Variants in ROS1 observed in about 807,000 individuals in gnomAD.
The protein encoded by ROS1 is proto-oncogene tyrosine-protein kinase ROS.
In ROS1, 263 loss-of-function variants were observed where a neutral mutation model predicts 273.5. The observed-to-expected ratio is 0.96, with a 90% CI of 0.87 to 1.06. The LOEUF is 1.06. Ranked by LOEUF, ROS1 falls within the 50% of genes least tolerant of loss-of-function variation. ROS1 has a pLI of 0.00. For synonymous variants in ROS1, 1,008 were observed against 954.1 expected (o/e 1.06, Z -1.04); for missense variants, 2,833 against 2,751.1 (o/e 1.03, Z -0.67).
rs1256037335 is a variant in ROS1, at chr6:117,373,613, C to T, written c.2582+5446G>A. ...CCGCCAAGCCCGCACCCACCCAGAA[C>T]TCGTGCTGGCCTGCGACCACCACAC... is the stretch of plus-strand genomic sequence containing the variant. On this transcript the variant is annotated intron_variant, in intron 18 of 43. Coordinates refer to ENST00000368507, the MANE Select transcript of ROS1 (RefSeq NM_001378902.1). Among the ~76,000 whole-genome samples the T allele has an allele frequency of 2.0e-5, 3 of 152,222 alleles. No individual in the cohort carries two copies. In the East Asian group the frequency reaches 5.8e-4, roughly 29 times the overall value.
rs775973005 is a variant in ROS1 at position 117,389,694 on chromosome 6, T to C, written c.1442A>G (p.Asp481Gly). Residue 481 changes from aspartate (D) to glycine (G), a missense_variant, in exon 13 of 44, where the codon GAC becomes GGC. Asp to Gly is a moderately conservative substitution (Grantham distance 94). Coordinates refer to ENST00000368507, the MANE Select transcript of ROS1 (RefSeq NM_001378902.1). ...PQAKRIIYFNDTAQVFMSTFL... is the reference protein window; with the variant it reads ...PQAKRIIYFNGTAQVFMSTFL... ...TGTTGACATGAAGACTTGGGCAGTG[T>C]CATTGAAGTAAATGATTCGCTTGGC... 5.0e-6 allele frequency: 8 copies of C among 1,614,190 alleles called. No homozygotes were observed. In the Admixed American group the frequency reaches 1.3e-4, roughly 27 times the overall value.
intron 32 of ROS1, among the ~76,000 whole-genome samples, chr6:117,329,753 A>G (rs1317373378): frequency 2.7e-5 from 4 of 149,534 alleles, no homozygotes; most frequent in Admixed American, 1.3e-4. Context: ...GGGAAGGGGA[A>G]CCCCCTCCCC....
chr6:117,394,395 C>A (rs1562359112), intron 10 of ROS1, 49 bp from the exon 11 acceptor site: 1 of 1,307,636 alleles, frequency 7.6e-7, no homozygotes, highest in Admixed American at 2.8e-5. Flanking sequence ...ACAACCAGGA[C>A]AAAAAACTTG....
At chr6:117,343,252 A>G (rs1778095234) in intron 28 of ROS1, among the ~76,000 whole-genome samples, 1 of 152,220 alleles carries the variant, frequency 6.6e-6, no homozygotes, top group African/African-American at 2.4e-5. Context: ...GAAATTACTT[A>G]TTTTAGAAAT....
chr6:117,341,858 G>A (rs1338543267), intron 29 of ROS1, among the ~76,000 whole-genome samples: 1 of 152,170 alleles, frequency 6.6e-6, no homozygotes, highest in East Asian at 1.9e-4. Context: ...TCCAGCTCAA[G>A]GATATGGCCA....
At chr6:117,424,896 G>T (rs1301060488) in intron 1 of ROS1, among the ~76,000 whole-genome samples, 1 of 152,016 alleles carries the variant, frequency 6.6e-6, no homozygotes, top group Non-Finnish European at 1.5e-5. Context: ...AGAGTACTTG[G>T]TTTTTAAAGT....
rs1410132066 is a variant in ROS1, at chr6:117,329,356, C to G, written c.5321G>C (p.Arg1774Thr). ...QWEKAEDNGC[R>T]ITYYILEIRK... ...TATCTCAAGGATATAGTATGTAATT[C>G]TACATCCATTATCTTCAGCTTTCTC... The change falls in exon 33 of 44, where the codon AGA (arginine) becomes ACA (threonine). Residue 1774 changes from arginine (R) to threonine (T), a missense_variant. Physicochemically the swap from Arg to Thr is moderately conservative, Grantham distance 71. Transcript: ENST00000368507. 3.2e-6 allele frequency: 5 copies of G among 1,553,874 alleles called. No homozygotes were observed. The South Asian group carries it at 4.5e-5, about 14-fold the overall frequency.
Position 117,301,130 on chromosome 6 carries a change from A to C in ROS1, c.6559T>G (p.Leu2187Val). 6.3e-7 allele frequency: 1 copy of C among 1,584,546 alleles called. No homozygotes were observed. The highest frequency in any genetic ancestry group is 8.5e-7 in the Non-Finnish European group (1 of 1,170,154). The change falls in exon 43 of 44, where the codon TTA becomes GTA. Residue 2187 changes from leucine (L) to valine (V), a missense_variant. Coordinates refer to ENST00000368507, the MANE Select transcript of ROS1 (RefSeq NM_001378902.1). ...PRNCPDDLWN[L>V]MTQCWAQEPD... ...TCTTGAGCCCAGCACTGGGTCATTA[A>C]ATTCCACCTAAATATATGGGGAAAG... is the stretch of plus-strand genomic sequence containing the variant.
chr6:117,415,051 T>G (rs1775235536), intron 3 of ROS1, among the ~76,000 whole-genome samples: 1 of 152,182 alleles, frequency 6.6e-6, no homozygotes, highest in Non-Finnish European at 1.5e-5. Context: ...TGCACTGTAT[T>G]CAGTGCAAGA....
At chr6:117,374,314 T>C (rs750719710) in intron 18 of ROS1, among the ~76,000 whole-genome samples, 5 of 152,066 alleles carry the variant, frequency 3.3e-5, no homozygotes, top group Non-Finnish European at 5.9e-5. Context: ...AGTAACAAAA[T>C]AGAGAACCCA....
At chr6:117,336,378 C>A (rs1170945993) in intron 32 of ROS1, among the ~76,000 whole-genome samples, 1 of 151,810 alleles carries the variant, frequency 6.6e-6, no homozygotes, top group Non-Finnish European at 1.5e-5. Flanking sequence ...TGTGTCCATG[C>A]GTTCTCATTG....
chr6:117,368,988 T>A (rs1223556587), intron 18 of ROS1, among the ~76,000 whole-genome samples: 1 of 152,212 alleles, frequency 6.6e-6, no homozygotes, highest in Non-Finnish European at 1.5e-5. Flanking sequence ...TTTACTTTTT[T>A]TAATGAGCCA....
In ROS1 at chr6:117,356,646, G is replaced by C. The variant is rs773222044; in HGVS notation, c.4109C>G (p.Thr1370Arg). The C allele has an allele frequency of 6.2e-7, 1 of 1,613,390 alleles. No homozygotes were observed. The highest frequency in any genetic ancestry group is 2.2e-5 in the East Asian group (1 of 44,856). ...CATCTTACCGAGCATAGCAGGTACT[G>C]TGATAACTCTCCAACACTGACAGCC... ...LEGCQCWRVI[T>R]VPAMLGKTLV... The change falls in exon 26 of 44, where the codon ACA becomes AGA. Residue 1370 changes from threonine to arginine, a missense_variant. Coordinates refer to ENST00000368507, the MANE Select transcript of ROS1 (RefSeq NM_001378902.1).
At chr6:117,314,828 G>A (rs1046718048) in intron 39 of ROS1, among the ~76,000 whole-genome samples, 2 of 152,138 alleles carry the variant, frequency 1.3e-5, no homozygotes, top group African/African-American at 2.4e-5. Flanking sequence ...GACCCCCAGT[G>A]GAAGAGCAGG....
rs1773606797 is a variant in ROS1, at chr6:117,288,710, C to A, written c.6808G>T (p.Val2270Leu). ...CCTTGGCCACATTCTGTAGCAAGTA[C>A]CATATAGTTTAACCCTTCTCGGTTC... ...TKNREGLNYM[V>L]LATECGQGEE... is the part of the protein sequence containing the mutation. Residue 2270 changes from valine (V) to leucine (L), a missense_variant, in exon 44 of 44, where the codon GTA becomes TTA. Val to Leu is a conservative substitution (Grantham distance 32, BLOSUM62 1). Transcript: ENST00000368507. 6.2e-7 allele frequency: 1 copy of A among 1,614,102 alleles called. No homozygotes were observed. Among genetic ancestry groups the A allele is most frequent in the South Asian group, 1.1e-5 (1 of 91,080 alleles).
In ROS1 at chr6:117,326,226, C is replaced by T. The variant is rs2128581568; in HGVS notation, c.5537G>A (p.Gly1846Glu). ...SGISENIILV[G>E]DDFWIPETSF... ...TGTAGACAGACATGGTAACATACCT[C>T]CAACTAATATAATATTCTCACTGAT... Residue 1846 changes from glycine to glutamate, a missense_variant and splice_region_variant, in exon 34 of 44, where the codon GGA becomes GAA. Coordinates refer to ENST00000368507, the MANE Select transcript of ROS1 (RefSeq NM_001378902.1). 1 of 1,584,664 alleles carries T rather than the reference C, an allele frequency of 6.3e-7. No individual in the cohort carries two copies. The highest frequency in any genetic ancestry group is 8.6e-7 in the Non-Finnish European group (1 of 1,167,812).
chr6:117,335,839 G>A (rs1172733587), intron 32 of ROS1, among the ~76,000 whole-genome samples: 2 of 152,138 alleles, frequency 1.3e-5, no homozygotes, highest in East Asian at 3.9e-4. Flanking sequence ...CCTGTTGAGG[G>A]ATAGGAGCTG....
At chr6:117,306,295 G>C (rs9489120) in intron 42 of ROS1, among the ~76,000 whole-genome samples, 1 of 151,942 alleles carries the variant, frequency 6.6e-6, no homozygotes, top group East Asian at 1.9e-4. Context: ...ATTTTTTTAA[G>C]ATGTAAAAAT....
chr6:117,401,950 A>C (rs539389735), intron 7 of ROS1, among the ~76,000 whole-genome samples: 1 of 152,146 alleles, frequency 6.6e-6, no homozygotes, highest in Non-Finnish European at 1.5e-5. Context: ...ATACCACACC[A>C]CTACCACCCC....
Sources: allele counts gnomAD v4.1 joint callset (sites outside exome capture counted in the v4.1 genomes callset), GRCh38; gene constraint gnomAD v4.1.1; transcripts MANE v1.5; gene names NCBI Gene and HGNC (gene_info 2026-07-23, HGNC 2026-07-21).